The following AK8 variants were observed in gnomAD, a reference collection of about 807,000 sequenced individuals.
AK8 encodes the protein adenylate kinase 8, also known as ATP-AMP transphosphorylase 8.
In AK8, 44 loss-of-function variants were observed where a neutral mutation model predicts 54.6. That is an observed-to-expected ratio of 0.81 (90% CI 0.63 to 1.04). The LOEUF (loss-of-function observed/expected upper bound fraction) is 1.04, where lower values mean the gene tolerates loss of function less well. Ranked by LOEUF, AK8 falls within the 50% of genes least tolerant of loss-of-function variation. AK8 has a pLI of 0.00. For missense variants in AK8, 555 were observed against 613.6 expected (o/e 0.90, Z 1.01); for synonymous variants, 239 against 245.6 (o/e 0.97, Z 0.25).
chr9:132,730,284 G>C lies in AK8; in HGVS notation c.1122-2750C>G, dbSNP rs563787093. On this transcript the variant is annotated intron_variant, in intron 11 of 12. Coordinates refer to ENST00000298545, the MANE Select transcript of AK8 (RefSeq NM_152572.3). ...TCCAATGGGACACTGGTTCCCATGG[G>C]GCCCAGACCAGCCTTTGGGGCACAG... is the stretch of plus-strand genomic sequence containing the variant. Among the ~76,000 whole-genome samples the C allele has an allele frequency of 2.8e-4, 43 of 152,294 alleles. 1 individual carries two copies. In the Middle Eastern group the frequency reaches 0.02, roughly 72 times the overall value.
Position 132,860,354 on chromosome 9 carries a change from T to C in AK8, c.333+3311A>G, listed in dbSNP as rs1843335747. Among the ~76,000 whole-genome samples, 1 of 152,190 alleles carries C rather than the reference T, an allele frequency of 6.6e-6. No homozygotes were observed. The highest frequency in any genetic ancestry group is 2.1e-4 in the South Asian group (1 of 4,822). ...TGCGTTTACTGAAAAAGGGCCCTTA[T>C]CTTTGGGTTGCGGAAATAAATGAAG... On this transcript the variant is annotated intron_variant, in intron 4 of 12. Coordinates refer to ENST00000298545, the MANE Select transcript of AK8 (RefSeq NM_152572.3). This position sits in a 1 kb window ranked among gnomAD's most constrained non-coding sequence, Gnocchi z 4.4.
intron 5 of AK8, among the ~76,000 whole-genome samples, chr9:132,834,773 G>T (rs557902331): frequency 2.8e-4 from 43 of 152,060 alleles, no homozygotes; most frequent in Non-Finnish European, 5.1e-4. Context: ...GTGCAGATGC[G>T]GGGATATCAT....
At chr9:132,832,076 A>G (rs1295818605) in intron 5 of AK8, among the ~76,000 whole-genome samples, 1 of 149,084 alleles carries the variant, frequency 6.7e-6, no homozygotes, top group Non-Finnish European at 1.5e-5. Flanking sequence ...AAAAAAAAAA[A>G]AAAAAAAAAA....
At chr9:132,779,576 T>C (rs938651404) in intron 11 of AK8, among the ~76,000 whole-genome samples, 2 of 152,222 alleles carry the variant, frequency 1.3e-5, no homozygotes, top group African/African-American at 2.4e-5. Context: ...GGAGGTACTC[T>C]GGGCACTCAC....
At chr9:132,875,007 G>C in intron 2 of AK8, 108 bp downstream of exon 2, 1 of 1,401,552 alleles carries the variant, frequency 7.1e-7, no homozygotes, top group Non-Finnish European at 9.9e-7. Context: ...GATGGGGCAG[G>C]GTTCCTGGAG....
chr9:132,775,188 T>C (rs1839158079), intron 11 of AK8, among the ~76,000 whole-genome samples: 1 of 152,130 alleles, frequency 6.6e-6, no homozygotes, highest in African/African-American at 2.4e-5. Flanking sequence ...GAACCAGCAA[T>C]GCAGGCTGGA....
At chr9:132,749,549 T>C (rs1590191954) in intron 11 of AK8, among the ~76,000 whole-genome samples, 2 of 151,950 alleles carry the variant, frequency 1.3e-5, no homozygotes, top group African/African-American at 2.4e-5. Flanking sequence ...CCCCATCTTA[T>C]GGATGAGGCA....
intron 5 of AK8, among the ~76,000 whole-genome samples, chr9:132,844,905 T>C (rs1397295984): frequency 1.3e-5 from 2 of 152,208 alleles, no homozygotes; most frequent in Non-Finnish European, 2.9e-5. Context: ...ACAAGAACAG[T>C]GGCCAATAGT....
chr9:132,827,124 G>A, intron 7 of AK8, 70 bp from the exon 8 acceptor site: 1 of 1,528,814 alleles, frequency 6.5e-7, no homozygotes, highest in Non-Finnish European at 9.0e-7. Context: ...GTGCCTGGCT[G>A]GGGTGCTTGC....
chr9:132,865,935 C>T (rs960028971), intron 3 of AK8, among the ~76,000 whole-genome samples: 1 of 152,120 alleles, frequency 6.6e-6, no homozygotes, highest in African/African-American at 2.4e-5. Context: ...TGGTGGCTCA[C>T]GTCTGTAATC....
At chr9:132,804,033 G>A (rs988300139) in intron 10 of AK8, among the ~76,000 whole-genome samples, 6 of 150,596 alleles carry the variant, frequency 4.0e-5, no homozygotes, top group Admixed American at 1.3e-4. Context: ...TTGAACCCAG[G>A]AGGCGAAAGT....
upstream of AK8, chr9:132,878,668 G>C (rs1844273148): frequency 4.0e-6 from 4 of 1,001,442 alleles, no homozygotes; most frequent in Non-Finnish European, 4.8e-6. This position sits in a 1 kb window ranked among gnomAD's most constrained non-coding sequence, Gnocchi z 4.7. Context: ...AACAGACGCG[G>C]GAATAAATGT....
intron 2 of AK8, among the ~76,000 whole-genome samples, chr9:132,868,377 G>A (rs1027175603): frequency 6.6e-6 from 1 of 152,184 alleles, no homozygotes; most frequent in African/African-American, 2.4e-5. Context: ...CTCACTGAAT[G>A]ATCCTCTCCT....
chr9:132,755,855 C>T (rs1590201680), intron 11 of AK8, among the ~76,000 whole-genome samples: 1 of 152,158 alleles, frequency 6.6e-6, no homozygotes, highest in African/African-American at 2.4e-5. Context: ...GCAACCTTCG[C>T]CCTCTGGGTT....
At chr9:132,758,701 C>A (rs111383556) in intron 11 of AK8, among the ~76,000 whole-genome samples, 6 of 152,014 alleles carry the variant, frequency 3.9e-5, no homozygotes, top group Non-Finnish European at 8.8e-5. Context: ...TCAAGTGATC[C>A]GCCTGCCTCA....
chr9:132,859,930 A>G (rs987838869), intron 4 of AK8, among the ~76,000 whole-genome samples: 1 of 152,050 alleles, frequency 6.6e-6, no homozygotes, highest in Non-Finnish European at 1.5e-5. Flanking sequence ...TTTCTGCAGT[A>G]TTACTGGAAA....
intron 11 of AK8, among the ~76,000 whole-genome samples, chr9:132,739,130 A>G (rs1837249537): frequency 6.6e-6 from 1 of 151,922 alleles, no homozygotes; most frequent in Non-Finnish European, 1.5e-5. Flanking sequence ...AATGTATAGA[A>G]AAGAAAAAGA....
intron 11 of AK8, among the ~76,000 whole-genome samples, chr9:132,787,430 G>T (rs1839760172): frequency 6.6e-6 from 1 of 152,132 alleles, no homozygotes; most frequent in South Asian, 2.1e-4. Flanking sequence ...ATTGGCATTG[G>T]ACTTCTTAGC....
chr9:132,814,012 T>A (rs147533775), intron 10 of AK8, among the ~76,000 whole-genome samples: 6 of 151,836 alleles, frequency 4.0e-5, no homozygotes, highest in African/African-American at 1.5e-4. Context: ...AAGTGGTGGC[T>A]TACACCTGTA....
Sources: gnomAD v4.1 joint callset for allele counts (sites outside exome capture counted in the v4.1 genomes callset) on GRCh38, gnomAD v4.1.1 for gene constraint, Gnocchi (gnomAD v3.1) non-coding constraint, MANE v1.5 for transcripts, NCBI Gene and HGNC (gene_info 2026-07-23, HGNC 2026-07-21) for gene names.